LHX8: variants seen among roughly 807,000 people sequenced by gnomAD.
The protein encoded by LHX8 is LIM/homeobox protein Lhx8.
Under a neutral mutation model 40.3 loss-of-function variants are expected in LHX8, and 12 were observed. That is an observed-to-expected ratio of 0.30 (90% CI 0.19 to 0.48). The LOEUF is 0.48. Among genes scored for constraint, LHX8 ranks in the 20% least tolerant of loss-of-function variants. The pLI, the probability that LHX8 is intolerant of heterozygous loss-of-function variation, is 0.99. For synonymous variants in LHX8, 179 were observed against 162.0 expected (o/e 1.10, Z -0.80); for missense variants, 344 against 433.7 (o/e 0.79, Z 1.84).
downstream of LHX8, among the ~76,000 whole-genome samples, chr1:75,166,140 A>G (rs1649032360): frequency 6.6e-6 from 1 of 152,178 alleles, no homozygotes; most frequent in African/African-American, 2.4e-5. Flanking sequence ...GCACTGCCCT[A>G]TCCCAGGCAA....
chr1:75,187,708 C>T, the LHX8 span, among the ~76,000 whole-genome samples: 1 of 152,062 alleles, frequency 6.6e-6, no homozygotes, highest in African/African-American at 2.4e-5. Flanking sequence ...TAAGGGTCTG[C>T]ACTTAAGATT....
chr1:75,135,108 C>T (rs1648082644), intron 1 of LHX8, among the ~76,000 whole-genome samples, 154 bp downstream of exon 1: 1 of 152,172 alleles, frequency 6.6e-6, no homozygotes, highest in African/African-American at 2.4e-5. Flanking sequence ...ACACCTCCCT[C>T]TGCGGGGCTC....
intron 6 of LHX8, among the ~76,000 whole-genome samples, chr1:75,144,161 A>C (rs1648399118): frequency 6.6e-6 from 1 of 152,304 alleles, no homozygotes; most frequent in South Asian, 2.1e-4. Context: ...ATAGTCATTC[A>C]AGTTTTGTTT....
chr1:75,162,790 G>T (rs796381526), downstream of LHX8, among the ~76,000 whole-genome samples: 5 of 152,242 alleles, frequency 3.3e-5, no homozygotes, highest in African/African-American at 1.2e-4. Flanking sequence ...TCTAGCCAGA[G>T]ATCTTATTTT....
At chr1:75,184,821 G>GT in the LHX8 span, among the ~76,000 whole-genome samples, 6,615 of 140,420 alleles carry the variant, frequency 0.047, 201 homozygotes, top group Non-Finnish European at 0.069. Context: ...TCCAGCAGCT[G>GT]TTTTTTTTTT....
At chr1:75,194,230 C>T in the LHX8 span, among the ~76,000 whole-genome samples, 3 of 147,724 alleles carry the variant, frequency 2.0e-5, no homozygotes, top group Non-Finnish European at 4.4e-5. Context: ...TTACTAAGTT[C>T]CACCTGTGTA....
chr1:75,148,762 TGAAC>T, intron 7 of LHX8, 80 bp downstream of exon 7: 1 of 969,922 alleles, frequency 1.0e-6, no homozygotes, highest in Non-Finnish European at 1.6e-6. Flanking sequence ...AGACTGATCT[TGAAC>T]TCTTGAGCTT....
At chr1:75,130,549 G>A (rs1197198810), upstream of LHX8, 5 of 737,378 alleles carry the variant, frequency 6.8e-6, no homozygotes, top group Non-Finnish European at 1.2e-5. Context: ...GAGACCAGTG[G>A]GTCCCAGACG....
At chr1:75,154,158 A>G (rs141518431) in intron 7 of LHX8, among the ~76,000 whole-genome samples, 1 of 152,310 alleles carries the variant, frequency 6.6e-6, no homozygotes, top group East Asian at 1.9e-4. Flanking sequence ...GGAGAGTCAA[A>G]AGGACTTATA....
the LHX8 span, among the ~76,000 whole-genome samples, chr1:75,189,782 T>C: frequency 1.3e-5 from 2 of 152,226 alleles, no homozygotes. Flanking sequence ...ATATCTATCA[T>C]TGTGTTCTCC....
At chr1:75,145,663 A>G (rs1190515011) in intron 6 of LHX8, among the ~76,000 whole-genome samples, 3 of 152,122 alleles carry the variant, frequency 2.0e-5, no homozygotes, top group Admixed American at 2.0e-4. Flanking sequence ...TTCTCCTCAA[A>G]CATCTGGTCT....
intron 1 of LHX8, among the ~76,000 whole-genome samples, chr1:75,135,561 GGGA>G (rs1648098109): frequency 6.6e-6 from 1 of 152,228 alleles, no homozygotes; most frequent in Non-Finnish European, 1.5e-5. Flanking sequence ...GAGGGAGAAG[GGGA>G]GGCGAACAGT....
At chr1:75,192,741 G>T in the LHX8 span, among the ~76,000 whole-genome samples, 1 of 152,072 alleles carries the variant, frequency 6.6e-6, no homozygotes, top group African/African-American at 2.4e-5. Context: ...TGCCCAGGCT[G>T]GAGTGCAGTG....
the LHX8 span, among the ~76,000 whole-genome samples, chr1:75,181,147 A>G: frequency 4.6e-5 from 7 of 152,202 alleles, no homozygotes; most frequent in Admixed American, 3.9e-4. Flanking sequence ...GGTTTCTCCA[A>G]GTTAGGCTAC....
downstream of LHX8, among the ~76,000 whole-genome samples, chr1:75,164,520 C>T (rs1275324509): frequency 6.6e-6 from 1 of 152,130 alleles, no homozygotes; most frequent in African/African-American, 2.4e-5. Flanking sequence ...TTAAAAGGCT[C>T]TTGAAATGCA....
chr1:75,181,973 CT>C, the LHX8 span, among the ~76,000 whole-genome samples: 2 of 152,098 alleles, frequency 1.3e-5, no homozygotes, highest in Admixed American at 1.3e-4. Flanking sequence ...CTGATTATTT[CT>C]TTTGCTGTAC....
rs1648366904 is a variant in LHX8 at position 75,143,292 on chromosome 1, A to G, written c.534A>G (p.Val178=). 2 of 1,613,602 alleles carry G rather than the reference A, an allele frequency of 1.2e-6. No homozygotes were observed. Among genetic ancestry groups the G allele is most frequent in the South Asian group, 1.1e-5 (1 of 91,082 alleles). The change falls in exon 5 of 9, where the codon GTA becomes GTG. Residue 178 remains valine, a synonymous_variant. Coordinates refer to ENST00000356261, the MANE Select transcript of LHX8 (RefSeq NM_001256114.2). The part of the protein sequence containing the change: ...ALVEEKVLCR[V]HYDCMLDNLK... ...TGGAAGAGAAAGTCCTCTGCAGAGT[A>G]CATTATGACTGCATGCTGGATAATT...
At chr1:75,183,812 A>G in the LHX8 span, among the ~76,000 whole-genome samples, 3 of 152,234 alleles carry the variant, frequency 2.0e-5, no homozygotes, top group Admixed American at 6.5e-5. Flanking sequence ...AAATGCCCCC[A>G]CTTAAAAAGC....
At chr1:75,169,794 G>C in the LHX8 span, among the ~76,000 whole-genome samples, 2 of 152,148 alleles carry the variant, frequency 1.3e-5, no homozygotes, top group Non-Finnish European at 2.9e-5. Context: ...GATTGATCTT[G>C]ATTGCCTTTC....
Sources: allele counts gnomAD v4.1 joint callset (sites outside exome capture counted in the v4.1 genomes callset), GRCh38; gene constraint gnomAD v4.1.1; transcripts MANE v1.5; gene names NCBI Gene and HGNC (gene_info 2026-07-23, HGNC 2026-07-21).